NAALADL2: variants seen among roughly 807,000 people sequenced by gnomAD.
NAALADL2 encodes inactive N-acetylated-alpha-linked acidic dipeptidase-like protein 2.
In NAALADL2, 76 loss-of-function variants were observed where a neutral mutation model predicts 87.2. The observed-to-expected ratio is 0.87, with a 90% CI of 0.72 to 1.05. The LOEUF is 1.05. Ranked by LOEUF, NAALADL2 falls within the 50% of genes least tolerant of loss-of-function variation. The probability of loss-of-function intolerance (pLI) is 0.00; values close to 1 mark genes in which losing one functional copy is unlikely to be tolerated. For synonymous variants in NAALADL2, 354 were observed against 331.0 expected (o/e 1.07, Z -0.75); for missense variants, 1,089 against 945.8 (o/e 1.15, Z -1.99).
At chr3:174,759,679 T>TA (rs1265951492) in intron 3 of NAALADL2, among the ~76,000 whole-genome samples, 1 of 152,076 alleles carries the variant, frequency 6.6e-6, no homozygotes, top group Non-Finnish European at 1.5e-5. Flanking sequence ...TCTTCTCTGA[T>TA]ACTATCAAAT....
At chr3:175,103,463 TTAAAC>T (rs957540287) in intron 2 of NAALADL2, among the ~76,000 whole-genome samples, 1 of 152,142 alleles carries the variant, frequency 6.6e-6, no homozygotes, top group African/African-American at 2.4e-5. Context: ...TTTAATGACA[TTAAAC>T]TAAAGGAATG....
chr3:175,765,122 G>A (rs980964083), intron 13 of NAALADL2, among the ~76,000 whole-genome samples: 1 of 151,746 alleles, frequency 6.6e-6, no homozygotes. Flanking sequence ...TTTTAATAGC[G>A]ACCACTTGCA....
intron 2 of NAALADL2, among the ~76,000 whole-genome samples, chr3:174,701,063 T>G (rs1182480955): frequency 6.6e-6 from 1 of 151,380 alleles, no homozygotes; most frequent in Non-Finnish European, 1.5e-5. Context: ...GAATTTGGAT[T>G]ATATTTTAAG....
At chr3:175,377,400 T>C (rs1767262999) in intron 5 of NAALADL2, among the ~76,000 whole-genome samples, 1 of 152,188 alleles carries the variant, frequency 6.6e-6, no homozygotes. Flanking sequence ...TTTTTAATTG[T>C]TGTTCTTACT....
intron 2 of NAALADL2, among the ~76,000 whole-genome samples, chr3:174,607,496 A>C (rs1349056190): frequency 1.3e-5 from 2 of 150,126 alleles, no homozygotes; most frequent in Admixed American, 6.6e-5. Flanking sequence ...TGGAAAACAA[A>C]AAAAGGCAGG....
intron 2 of NAALADL2, among the ~76,000 whole-genome samples, chr3:175,171,898 G>A (rs1191764854): frequency 6.6e-6 from 1 of 152,098 alleles, no homozygotes; most frequent in Non-Finnish European, 1.5e-5. Context: ...GTTACCAAAA[G>A]CTAGGAAGGT....
chr3:174,732,438 T>G (rs1267313297), intron 2 of NAALADL2, among the ~76,000 whole-genome samples: 1 of 152,146 alleles, frequency 6.6e-6, no homozygotes, highest in African/African-American at 2.4e-5. Flanking sequence ...ATCCATTATA[T>G]GAAAAGGATT....
At chr3:174,963,054 A>G (rs1048723090) in intron 1 of NAALADL2, among the ~76,000 whole-genome samples, 9 of 152,062 alleles carry the variant, frequency 5.9e-5, no homozygotes, top group African/African-American at 1.7e-4. Flanking sequence ...TATGCGTCCA[A>G]TTATTTTTTA....
chr3:175,736,828 C>A (rs1318083456), intron 11 of NAALADL2, among the ~76,000 whole-genome samples: 1 of 152,224 alleles, frequency 6.6e-6, no homozygotes, highest in East Asian at 1.9e-4. Context: ...ACTTGGAAGA[C>A]TGTTTACTTT....
intron 1 of NAALADL2, among the ~76,000 whole-genome samples, chr3:174,941,695 A>G (rs1233904935): frequency 6.6e-6 from 1 of 152,080 alleles, no homozygotes; most frequent in Non-Finnish European, 1.5e-5. Flanking sequence ...TTGGGTGCAT[A>G]TATATTTAGG....
chr3:175,604,420 C>G (rs1456603419), intron 10 of NAALADL2, among the ~76,000 whole-genome samples: 1 of 151,278 alleles, frequency 6.6e-6, no homozygotes, highest in Admixed American at 6.6e-5. Context: ...TCTCCTGCCT[C>G]AGCCTCCCGA....
intron 9 of NAALADL2, among the ~76,000 whole-genome samples, chr3:175,519,423 T>G (rs1352194458): frequency 6.6e-6 from 1 of 152,188 alleles, no homozygotes; most frequent in Non-Finnish European, 1.5e-5. Context: ...TGCTGTTTTA[T>G]AAGCCCCAAT....
At chr3:175,592,053 T>C (rs1045599904) in intron 10 of NAALADL2, among the ~76,000 whole-genome samples, 2 of 152,004 alleles carry the variant, frequency 1.3e-5, no homozygotes, top group Admixed American at 6.6e-5. Context: ...TCAAAGTGAC[T>C]GCACTATAAA....
intron 10 of NAALADL2, among the ~76,000 whole-genome samples, chr3:175,622,806 C>T (rs1726414354): frequency 6.6e-6 from 1 of 152,044 alleles, no homozygotes; most frequent in African/African-American, 2.4e-5. Context: ...TAAAGCATCA[C>T]ATAAAACCTT....
chr3:175,104,120 A>C (rs1722699261), intron 2 of NAALADL2, among the ~76,000 whole-genome samples: 1 of 151,844 alleles, frequency 6.6e-6, no homozygotes, highest in African/African-American at 2.4e-5. Context: ...CCCTTTCCAC[A>C]CCTGCCACCC....
intron 1 of NAALADL2, among the ~76,000 whole-genome samples, chr3:174,945,827 C>T (rs973103188): frequency 3.9e-5 from 6 of 152,018 alleles, no homozygotes; most frequent in Non-Finnish European, 8.8e-5. Context: ...GCGGGCAGAT[C>T]GTGAAGTCAG....
At chr3:175,431,401 T>A (rs1717736959) in intron 5 of NAALADL2, among the ~76,000 whole-genome samples, 1 of 152,042 alleles carries the variant, frequency 6.6e-6, no homozygotes, top group Non-Finnish European at 1.5e-5. Flanking sequence ...TATTGGACAG[T>A]TTATGGATAG....
intron 5 of NAALADL2, among the ~76,000 whole-genome samples, chr3:175,404,980 A>C (rs1712049752): frequency 6.6e-6 from 1 of 152,162 alleles, no homozygotes; most frequent in African/African-American, 2.4e-5. Flanking sequence ...AAATTAGATG[A>C]CTTGAAATAG....
At chr3:174,672,953 G>A (rs1215957414) in intron 2 of NAALADL2, among the ~76,000 whole-genome samples, 5 of 151,808 alleles carry the variant, frequency 3.3e-5, no homozygotes, top group African/African-American at 1.2e-4. Flanking sequence ...AACTGTCGTG[G>A]GGTTGTACAC....
Sources: allele counts gnomAD v4.1 joint callset (sites outside exome capture counted in the v4.1 genomes callset), GRCh38; gene constraint gnomAD v4.1.1; transcripts MANE v1.5; gene names NCBI Gene and HGNC (gene_info 2026-07-23, HGNC 2026-07-21).